BPTF: variants seen among roughly 807,000 people sequenced by gnomAD.
BPTF encodes bromodomain PHD finger transcription factor.
A neutral mutation model predicts 292.5 loss-of-function variants in BPTF; 18 were observed. The ratio of observed to expected loss-of-function variants is 0.06; its 90% CI spans 0.04 to 0.09. The LOEUF is 0.09. Ranked by LOEUF, BPTF falls within the 10% of genes least tolerant of loss-of-function variation. BPTF has a pLI of 1.00. For missense variants in BPTF, 2,726 were observed against 3,498.7 expected (o/e 0.78, Z 5.57); for synonymous variants, 1,225 against 1,251.9 (o/e 0.98, Z 0.45).
In BPTF at chr17:67,825,978, C is replaced by T; in HGVS notation, c.254C>T (p.Pro85Leu). ...CCGCCGCCGCCGCCGCCGGCCCCCC[C>T]CAGCACCAGCGCCCCGGGCCGGGGG... The part of the protein sequence containing the change: ...RKPPPPPPAP[P>L]STSAPGRGGR... The change falls in exon 1 of 28, where the codon CCC becomes CTC. Residue 85 changes from proline to leucine, a missense_variant. Physicochemically the swap from Pro to Leu is moderately conservative, Grantham distance 98. Coordinates refer to ENST00000306378, the MANE Select transcript of BPTF (RefSeq NM_182641.4). The T allele has an allele frequency of 2.8e-6, 3 of 1,067,532 alleles. No individual in the cohort carries two copies. The highest frequency in any genetic ancestry group is 3.4e-6 in the Non-Finnish European group (3 of 883,922). The allele number at this position is 1,067,532 out of a possible 1,614,324, so 66.1% of individuals were successfully genotyped here. A position where few individuals can be genotyped will look rare whatever the true frequency, so the allele number is the denominator to read the frequency against.
intron 3 of BPTF, among the ~76,000 whole-genome samples, chr17:67,868,843 C>G (rs2059539756): frequency 6.6e-6 from 1 of 152,162 alleles, no homozygotes; most frequent in Non-Finnish European, 1.5e-5. Context: ...ATGATAGGCT[C>G]TCACATATAA....
intron 15 of BPTF, among the ~76,000 whole-genome samples, chr17:67,926,533 C>T (rs1217419897): frequency 6.6e-6 from 1 of 151,474 alleles, no homozygotes; most frequent in Non-Finnish European, 1.5e-5. Flanking sequence ...ACTGTGTTAG[C>T]CAGGATGGTC....
rs745973277 is a variant in BPTF, at chr17:67,912,405, C to G, written c.4521C>G (p.Thr1507=). Residue 1507 remains threonine (T), a synonymous_variant, in exon 11 of 28, where the codon ACC becomes ACG. Coordinates refer to ENST00000306378, the MANE Select transcript of BPTF (RefSeq NM_182641.4). ...YRDSLETLPS[T]KESDSTQTTT... ...ATAGCCTTGAGACCCTGCCATCAAC[C>G]AAAGAGTCTGACAGTACACAGACGA... is the stretch of plus-strand genomic sequence containing the variant. 2 of 1,613,530 alleles carry G rather than the reference C, an allele frequency of 1.2e-6. No homozygotes were observed. Among genetic ancestry groups the G allele is most frequent in the Non-Finnish European group, 1.7e-6 (2 of 1,179,876 alleles).
intron 19 of BPTF, among the ~76,000 whole-genome samples, chr17:67,941,455 A>C (rs1182371642): frequency 6.6e-6 from 1 of 152,208 alleles, no homozygotes; most frequent in Non-Finnish European, 1.5e-5. Flanking sequence ...TTCATCTAAA[A>C]AAAACCAAAA....
At chr17:67,944,522 C>T (rs2065645797) in intron 20 of BPTF, 150 bp downstream of exon 20, 1 of 837,668 alleles carries the variant, frequency 1.2e-6, no homozygotes, top group Non-Finnish European at 1.8e-6. Context: ...CTCACAACGT[C>T]TCGAAGCTTT....
At chr17:67,950,104 A>G (rs1485064116) in intron 23 of BPTF, among the ~76,000 whole-genome samples, 1 of 151,040 alleles carries the variant, frequency 6.6e-6, no homozygotes, top group Non-Finnish European at 1.5e-5. Context: ...CATTTTAAGA[A>G]GGTGAGAAAT....
chr17:67,979,938 G>A (rs11650332), intron 27 of BPTF, among the ~76,000 whole-genome samples: 76,204 of 151,900 alleles, frequency 0.5, 23,828 homozygotes, highest in Non-Finnish European at 0.69. Flanking sequence ...CTACTTGGGA[G>A]GCTGAGACAG....
chr17:67,851,272 C>CTTTTT (rs57971998), intron 1 of BPTF, among the ~76,000 whole-genome samples: 1 of 129,934 alleles, frequency 7.7e-6, no homozygotes, highest in Non-Finnish European at 1.7e-5. Flanking sequence ...CGATTTTCTG[C>CTTTTT]TTTTTTTTTT....
At chr17:67,956,662 TA>T (rs76958906) in intron 23 of BPTF, 2,444 of 108,046 alleles carry the variant, frequency 0.023, 32 homozygotes, top group African/African-American at 0.035. Flanking sequence ...CAGTTCTACT[TA>T]AAAAAAAAAA....
intron 1 of BPTF, among the ~76,000 whole-genome samples, chr17:67,851,702 G>A (rs767910804): frequency 2.0e-5 from 3 of 151,814 alleles, no homozygotes; most frequent in Non-Finnish European, 2.9e-5. Flanking sequence ...TCAGTTATAA[G>A]CAGAACCTTA....
chr17:67,837,942 A>G (rs1309419973), intron 1 of BPTF, among the ~76,000 whole-genome samples: 1 of 152,192 alleles, frequency 6.6e-6, no homozygotes, highest in Admixed American at 6.5e-5. Flanking sequence ...GGAGTTCTTC[A>G]TTGCTTCTTA....
In BPTF at chr17:67,850,236, C is replaced by T. The variant is rs1271819881; in HGVS notation, c.614-3704C>T. On this transcript the variant is annotated intron_variant, in intron 1 of 27. Transcript: ENST00000306378. Reference sequence around the variant, plus strand: ...ATTGGCAAACTTAAAAAATCCCTGTCGTTAAGGAGATTATATTCTAGTGGT... The same window carrying T: ...ATTGGCAAACTTAAAAAATCCCTGTTGTTAAGGAGATTATATTCTAGTGGT... Among the ~76,000 whole-genome samples the T allele has an allele frequency of 2.6e-5, 4 of 152,100 alleles. No individual in the cohort carries two copies. The East Asian group carries it at 7.7e-4, about 29-fold the overall frequency.
At chr17:67,895,457 C>T (rs1340645231) in intron 7 of BPTF, among the ~76,000 whole-genome samples, 1 of 147,264 alleles carries the variant, frequency 6.8e-6, no homozygotes, top group Non-Finnish European at 1.5e-5. Context: ...GTTTCCACCA[C>T]ATACATTTTT....
intron 26 of BPTF, among the ~76,000 whole-genome samples, chr17:67,973,156 C>T (rs1051769748): frequency 2.0e-5 from 3 of 149,006 alleles, no homozygotes; most frequent in African/African-American, 7.4e-5. Flanking sequence ...AGGAGGATCA[C>T]GAGGTCAGGA....
At chr17:67,839,217 G>A (rs1482242839) in intron 1 of BPTF, among the ~76,000 whole-genome samples, 2 of 152,038 alleles carry the variant, frequency 1.3e-5, no homozygotes, top group Non-Finnish European at 2.9e-5. Flanking sequence ...AGGCATCTTA[G>A]TATGCTTTCC....
intron 23 of BPTF, among the ~76,000 whole-genome samples, chr17:67,953,961 C>CTTTTTTTTTTTTTTTTTTTTTTTTT (rs869063412): frequency 1.5e-5 from 1 of 65,644 alleles, no homozygotes; most frequent in African/African-American, 7.2e-5. Flanking sequence ...CTTTTCTTTT[C>CTTTTTTTTTTTTTTTTTTTTTTTTT]TTTTTTTTTT....
rs1272548097 is a variant in BPTF at position 67,966,508 on chromosome 17, A to G, written c.8455-64A>G. ...TTGGGTTCATTGATGTAGTAACTCA[A>G]CCAGGAAACTTAAATGGAATTAGTG... On this transcript the variant is annotated intron_variant, in intron 25 of 27. Coordinates refer to ENST00000306378, the MANE Select transcript of BPTF (RefSeq NM_182641.4). 10 of 1,462,920 alleles carry G rather than the reference A, an allele frequency of 6.8e-6. No individual in the cohort carries two copies. In the East Asian group the frequency reaches 1.1e-4, roughly 17 times the overall value. The allele number at this position is 1,462,920 out of a possible 1,614,324, so 90.6% of individuals were successfully genotyped here. A position where few individuals can be genotyped will look rare whatever the true frequency, so the allele number is the denominator to read the frequency against.
At chr17:67,875,753 G>C in intron 4 of BPTF, 1 of 1,549,756 alleles carries the variant, frequency 6.5e-7, no homozygotes, top group Non-Finnish European at 8.7e-7. Flanking sequence ...AGGTACAGAG[G>C]GCAGCGTATC....
chr17:67,963,571 T>G, intron 24 of BPTF: 1 of 1,290,720 alleles, frequency 7.7e-7, no homozygotes, highest in Non-Finnish European at 9.8e-7. Context: ...ACTGGTTACT[T>G]ATTTATTTTA....
Sources: allele counts gnomAD v4.1 joint callset (sites outside exome capture counted in the v4.1 genomes callset), GRCh38; gene constraint gnomAD v4.1.1; transcripts MANE v1.5; gene names NCBI Gene and HGNC (gene_info 2026-07-23, HGNC 2026-07-21).